Variants in PPL observed in about 807,000 individuals in gnomAD.
PPL encodes the protein 190 kDa paraneoplastic pemphigus antigen.
Under a neutral mutation model 194.4 loss-of-function variants are expected in PPL, and 198 were observed. The observed-to-expected ratio is 1.02, with a 90% CI of 0.91 to 1.15. The LOEUF (loss-of-function observed/expected upper bound fraction) is 1.15, where lower values mean the gene tolerates loss of function less well. Ranked by LOEUF, PPL falls within the 50% of genes most tolerant of loss-of-function variation. The probability of loss-of-function intolerance (pLI) is 0.00; values close to 1 mark genes in which losing one functional copy is unlikely to be tolerated. For synonymous variants in PPL, 1,220 were observed against 972.4 expected (o/e 1.25, Z -4.74); for missense variants, 2,885 against 2,294.8 (o/e 1.26, Z -5.25).
chr16:4,889,154 T>C, intron 18 of PPL, 93 bp from the exon 19 acceptor site: 1 of 997,278 alleles, frequency 1.0e-6, no homozygotes, highest in Non-Finnish European at 1.6e-6. Flanking sequence ...AGAATCTGAA[T>C]TTATTCTTCT....
rs76438603 is a variant in PPL, at chr16:4,912,112, A to G, written c.63-1163T>C. Among the ~76,000 whole-genome samples, 1,356 of 152,344 alleles carry G rather than the reference A, an allele frequency of 8.9e-3. 11 individuals carry two copies. The highest frequency in any genetic ancestry group is 0.013 in the Non-Finnish European group (870 of 68,034). On this transcript the variant is annotated intron_variant, in intron 1 of 21. Transcript: ENST00000345988. Reference sequence around the variant, plus strand: ...TTAAAATACACAGTCACTGGCTTTTAGTACTACACATTCAGAATCGTGCAA... The same window carrying G: ...TTAAAATACACAGTCACTGGCTTTTGGTACTACACATTCAGAATCGTGCAA...
chr16:4,889,235 G>GTTTTT (rs2088271521), intron 18 of PPL, among the ~76,000 whole-genome samples, 174 bp from the exon 19 acceptor site: 1 of 18,710 alleles, frequency 5.3e-5, no homozygotes. Context: ...TTTTTTTGTT[G>GTTTTT]TTGTTGTTTT....
At chr16:4,895,192 G>C in intron 11 of PPL, 69 bp downstream of exon 11, 1 of 1,492,862 alleles carries the variant, frequency 6.7e-7, no homozygotes, top group Non-Finnish European at 8.9e-7. Context: ...GGCGCCTGAG[G>C]CCCGGGATCC....
rs200407505 is a variant in PPL at position 4,885,516 on chromosome 16, G to A, written c.3139C>T (p.Arg1047Trp). The change falls in exon 22 of 22, where the codon CGG becomes TGG. Residue 1047 changes from arginine to tryptophan, a missense_variant. By Grantham distance (101) the Arg-to-Trp change is moderately radical. Transcript: ENST00000345988. The surrounding 1 kb of genome is among the most constrained non-coding windows in gnomAD (Gnocchi z 6.3). ...RVAALAEEKS[R>W]AQEKVTEKEV... ...TTCTCTGTGACCTTCTCCTGCGCCC[G>A]GCTCTTCTCTTCAGCCAGGGCGGCC... 9.3e-6 allele frequency: 15 copies of A among 1,611,108 alleles called. No individual in the cohort carries two copies. The highest frequency in any genetic ancestry group is 5.0e-5 in the Admixed American group (3 of 59,992).
At chr16:4,926,983 A>G (rs1010826337) in intron 1 of PPL, among the ~76,000 whole-genome samples, 6 of 152,120 alleles carry the variant, frequency 3.9e-5, no homozygotes, top group Non-Finnish European at 8.8e-5. Flanking sequence ...ATCTAACTTT[A>G]ATGATGAAAA....
rs1567992965 is a variant in PPL, at chr16:4,889,256, T to TGG, written c.2314-196_2314-195insCC. Among the ~76,000 whole-genome samples, 99 of 124,466 alleles carry TGG rather than the reference T, an allele frequency of 8.0e-4. 6 individuals carry two copies. The highest frequency in any genetic ancestry group is 2.8e-3 in the African/African-American group (90 of 32,164). 81.7% of individuals were successfully genotyped at this position (124,466 alleles called of 152,430 possible). ...TGTTGTTGTTGTTTTTTTTTTTTTT[T>TGG]TTTTTTTTTTTTTTTTTTGAGACAG... On this transcript the variant is annotated intron_variant, in intron 18 of 21. Transcript: ENST00000345988.
At position 4,892,045 on chromosome 16, in the gene PPL, C is replaced by A. The variant is rs764509009; in HGVS notation, c.1819G>T (p.Ala607Ser). The A allele has an allele frequency of 8.1e-6, 13 of 1,613,510 alleles. No homozygotes were observed. In the Admixed American group the frequency reaches 1.0e-4, roughly 12 times the overall value. Residue 607 changes from alanine to serine, a missense_variant, in exon 15 of 22, where the codon GCC becomes TCC. Physicochemically the swap from Ala to Ser is moderately conservative, Grantham distance 99 (BLOSUM62 1). Coordinates refer to ENST00000345988, the MANE Select transcript of PPL (RefSeq NM_002705.5). Reference sequence around the variant, plus strand: ...CTGTCTGCCACCCACTTCTCCTGGGCCAAGTCCAGCAGCTGCAGGAGGTGC... The same window carrying A: ...CTGTCTGCCACCCACTTCTCCTGGGACAAGTCCAGCAGCTGCAGGAGGTGC... ...YEHLLQLLDL[A>S]QEKVDVANRL...
intron 1 of PPL, among the ~76,000 whole-genome samples, chr16:4,919,373 CTGTGACAG>C (rs2088991227): frequency 6.6e-6 from 1 of 152,308 alleles, no homozygotes; most frequent in South Asian, 2.1e-4. Flanking sequence ...CAATGTGACC[CTGTGACAG>C]TGTGACAGAG....
chr16:4,888,303 C>G, intron 19 of PPL, 85 bp from the exon 20 acceptor site: 1 of 933,678 alleles, frequency 1.1e-6, no homozygotes, highest in Non-Finnish European at 1.7e-6. Flanking sequence ...CAGGCTGACC[C>G]AGACCTGCCC....
At chr16:4,908,407 A>G (rs1165595777) in intron 2 of PPL, among the ~76,000 whole-genome samples, 1 of 118,864 alleles carries the variant, frequency 8.4e-6, no homozygotes, top group African/African-American at 3.1e-5. Flanking sequence ...GAGAAGGTTA[A>G]ACCCTCTTCC....
Position 4,884,480 on chromosome 16 carries a change from A to C in PPL, c.4175T>G (p.Leu1392Arg). Residue 1392 changes from leucine to arginine, a missense_variant, in exon 22 of 22, where the codon CTG becomes CGG. Coordinates refer to ENST00000345988, the MANE Select transcript of PPL (RefSeq NM_002705.5). This position sits in a 1 kb window ranked among gnomAD's most constrained non-coding sequence, Gnocchi z 5.7. ...CTCAAGCTCGGTGCGCCGGCGCTGC[A>C]GCCGCCGCAGCTCTGCCCGCAGCTT... ...IDKLRAELRR[L>R]QRRRTELERQ... The C allele has an allele frequency of 1.2e-6, 2 of 1,603,264 alleles. No homozygotes were observed. The highest frequency in any genetic ancestry group is 1.7e-6 in the Non-Finnish European group (2 of 1,177,602).
chr16:4,911,662 G>C (rs1333278316), intron 1 of PPL, among the ~76,000 whole-genome samples: 1 of 151,950 alleles, frequency 6.6e-6, no homozygotes, highest in East Asian at 1.9e-4. Context: ...AGCCTCCCAA[G>C]TAGCTGGGAC....
At chr16:4,892,940 C>T (rs555462211) in intron 14 of PPL, 53 of 402,800 alleles carry the variant, frequency 1.3e-4, no homozygotes, top group South Asian at 3.8e-4. Flanking sequence ...CCCAGTCCTG[C>T]GGAATTCCAC....
chr16:4,910,845 C>T lies in PPL; in HGVS notation c.162+5G>A, dbSNP rs2142385809. On this transcript the variant is annotated splice_donor_5th_base_variant and intron_variant, in intron 2 of 21. Coordinates refer to ENST00000345988, the MANE Select transcript of PPL (RefSeq NM_002705.5). ...CCAGGTGGGAGTGGGAGTGGGGGCA[C>T]TCACACTCTGCATCTTGGCCTCTGT... 1 of 1,613,582 alleles carries T rather than the reference C, an allele frequency of 6.2e-7. No individual in the cohort carries two copies. The highest frequency in any genetic ancestry group is 2.2e-5 in the East Asian group (1 of 44,876).
Position 4,885,811 on chromosome 16 carries a change from C to T in PPL, c.2844G>A (p.Glu948=), listed in dbSNP as rs753720938. 6.2e-7 allele frequency: 1 copy of T among 1,608,838 alleles called. No individual in the cohort carries two copies. Among genetic ancestry groups the T allele is most frequent in the Admixed American group, 1.7e-5 (1 of 60,026 alleles). ...GCGTCCGCTGCAGCTGCTGGAAGCT[C>T]TCCTCCAGCACGGGATCCGGCACCT... ...LKKVPDPVLE[E]SFQQLQRTLA... The change falls in exon 22 of 22, where the codon GAG becomes GAA. Residue 948 remains glutamate (E), a synonymous_variant. Coordinates refer to ENST00000345988, the MANE Select transcript of PPL (RefSeq NM_002705.5). This position sits in a 1 kb window ranked among gnomAD's most constrained non-coding sequence, Gnocchi z 6.3.
chr16:4,894,042 G>A (rs1027169192), intron 12 of PPL, among the ~76,000 whole-genome samples: 2 of 152,148 alleles, frequency 1.3e-5, no homozygotes, highest in African/African-American at 4.8e-5. Flanking sequence ...GAAATTCAAG[G>A]AGCCCAGGCC....
intron 13 of PPL, 26 bp downstream of exon 13, chr16:4,893,515 C>T (rs746830769): frequency 6.2e-7 from 1 of 1,610,210 alleles, no homozygotes; most frequent in Non-Finnish European, 8.5e-7. Context: ...CCCCCAGAGC[C>T]TCAGGCGAGT....
chr16:4,901,938 T>C (rs2088580208), intron 4 of PPL, among the ~76,000 whole-genome samples: 1 of 96,758 alleles, frequency 1.0e-5, no homozygotes, highest in Non-Finnish European at 2.1e-5. Context: ...AGACCTTGTC[T>C]CAAAAATAAA....
At chr16:4,915,020 T>C (rs1422551992) in intron 1 of PPL, among the ~76,000 whole-genome samples, 1 of 152,206 alleles carries the variant, frequency 6.6e-6, no homozygotes, top group Non-Finnish European at 1.5e-5. Context: ...CAGTGCATCG[T>C]TAGGGTCTGT....
Sources: gnomAD v4.1 joint callset for allele counts (sites outside exome capture counted in the v4.1 genomes callset) on GRCh38, gnomAD v4.1.1 for gene constraint, Gnocchi (gnomAD v3.1) non-coding constraint, MANE v1.5 for transcripts, NCBI Gene and HGNC (gene_info 2026-07-23, HGNC 2026-07-21) for gene names.